Variants in EPHA6 observed in about 807,000 individuals in gnomAD.
EPHA6 encodes EPH receptor A6.
EPHA6 carries 50 observed loss-of-function variants against 112.0 expected under a neutral mutation model. That is an observed-to-expected ratio of 0.45 (90% CI 0.36 to 0.56). The LOEUF (loss-of-function observed/expected upper bound fraction) is 0.56. Ranked by LOEUF, EPHA6 falls within the 20% of genes least tolerant of loss-of-function variation. The pLI, the probability that EPHA6 is intolerant of heterozygous loss-of-function variation, is 0.00. For missense variants in EPHA6, 1,280 were observed against 1,417.4 expected, an observed-to-expected ratio of 0.90 and a Z score of 1.56; for synonymous variants, 529 against 490.7, an observed-to-expected ratio of 1.08 and a Z score of -1.03.
chr3:96,926,756 G>A (rs1215643009), intron 2 of EPHA6, among the ~76,000 whole-genome samples: 1 of 152,206 alleles, frequency 6.6e-6, no homozygotes, highest in Non-Finnish European at 1.5e-5. Context: ...GATGCAAGGG[G>A]TGGGCTCCCA....
intron 6 of EPHA6, among the ~76,000 whole-genome samples, chr3:97,418,625 T>A (rs1412069985): frequency 6.6e-6 from 1 of 152,068 alleles, no homozygotes; most frequent in African/African-American, 2.4e-5. Context: ...TATTGGTGTT[T>A]AGAGATAAAC....
At chr3:96,947,591 T>G (rs1375277419) in intron 2 of EPHA6, among the ~76,000 whole-genome samples, 1 of 152,266 alleles carries the variant, frequency 6.6e-6, no homozygotes, top group African/African-American at 2.4e-5. Context: ...ACAAGCATTC[T>G]TATACACCAA....
intron 3 of EPHA6, among the ~76,000 whole-genome samples, chr3:97,182,122 C>T (rs2077004721): frequency 6.6e-6 from 1 of 151,900 alleles, no homozygotes; most frequent in South Asian, 2.1e-4. Context: ...TATTATGTCC[C>T]ATTGGTTTTT....
intron 11 of EPHA6, among the ~76,000 whole-genome samples, chr3:97,537,424 G>A (rs2092779565): frequency 6.6e-6 from 1 of 152,134 alleles, no homozygotes; most frequent in African/African-American, 2.4e-5. Flanking sequence ...CTCTTGAGAA[G>A]CCCATTTGTT....
chr3:97,433,320 T>A (rs2089629398), intron 6 of EPHA6, among the ~76,000 whole-genome samples: 1 of 152,212 alleles, frequency 6.6e-6, no homozygotes, highest in South Asian at 2.1e-4. Flanking sequence ...TGTTATTTGA[T>A]GAAGACTCAA....
rs933665535 is a variant in EPHA6, at chr3:97,759,426, A to G, written c.*10725A>G. ...AAGAGAAATAGGATAATAGCTGGAG[A>G]AAGGAAGTCAAGGAATTGTCTTGTT... On this transcript the variant is annotated 3_prime_UTR_variant, in exon 18 of 18. Coordinates refer to ENST00000389672, the MANE Select transcript of EPHA6 (RefSeq NM_001080448.3). 1 of 227,222 alleles carries G rather than the reference A, an allele frequency of 4.4e-6. No individual in the cohort carries two copies. Among genetic ancestry groups the G allele is most frequent in the Non-Finnish European group, 8.8e-6 (1 of 114,282 alleles). 14.1% of individuals were successfully genotyped at this position (227,222 alleles called of 1,614,324 possible). A position where few individuals can be genotyped will look rare whatever the true frequency, so the allele number is the denominator to read the frequency against.
At chr3:97,274,213 G>A (rs2079989953) in intron 5 of EPHA6, among the ~76,000 whole-genome samples, 1 of 152,158 alleles carries the variant, frequency 6.6e-6, no homozygotes, top group Non-Finnish European at 1.5e-5. Context: ...TGCCTTGTGT[G>A]GGAAGAGATT....
chr3:96,853,848 A>G (rs954650284), intron 1 of EPHA6, among the ~76,000 whole-genome samples: 1 of 151,994 alleles, frequency 6.6e-6, no homozygotes, highest in African/African-American at 2.4e-5. Flanking sequence ...AAACGCATGA[A>G]GTTGATGTTA....
chr3:97,260,343 T>G (rs73848582), intron 5 of EPHA6, among the ~76,000 whole-genome samples: 34 of 152,300 alleles, frequency 2.2e-4, no homozygotes, highest in African/African-American at 7.2e-4. Context: ...AGATTCTTCA[T>G]GTCCATATCT....
chr3:96,865,219 G>T (rs1043411222), intron 1 of EPHA6, among the ~76,000 whole-genome samples: 10 of 152,206 alleles, frequency 6.6e-5, no homozygotes, highest in Admixed American at 5.9e-4. Flanking sequence ...TCTGCAATGA[G>T]TAAGTAGAGT....
chr3:96,951,899 A>G (rs2041552211), intron 2 of EPHA6, among the ~76,000 whole-genome samples: 1 of 152,156 alleles, frequency 6.6e-6, no homozygotes, highest in Non-Finnish European at 1.5e-5. Flanking sequence ...TGCAGTAGTC[A>G]TGAAAATTAG....
At chr3:96,862,955 T>C (rs562088700) in intron 1 of EPHA6, among the ~76,000 whole-genome samples, 105 of 152,084 alleles carry the variant, frequency 6.9e-4, no homozygotes, top group South Asian at 1.9e-3. Flanking sequence ...AAATATAATA[T>C]GCTGAAAATT....
At chr3:97,474,393 A>T (rs1019141185) in intron 7 of EPHA6, among the ~76,000 whole-genome samples, 1 of 151,960 alleles carries the variant, frequency 6.6e-6, no homozygotes, top group Non-Finnish European at 1.5e-5. Flanking sequence ...TTGGTTTTTT[A>T]TATTATTGAT....
intron 13 of EPHA6, among the ~76,000 whole-genome samples, chr3:97,625,892 A>G (rs1238614556): frequency 6.6e-6 from 1 of 151,676 alleles, no homozygotes; most frequent in Non-Finnish European, 1.5e-5. Flanking sequence ...AGAAGCCGCC[A>G]CATCTCCCAA....
intron 14 of EPHA6, among the ~76,000 whole-genome samples, chr3:97,706,539 G>A (rs1469109950): frequency 6.6e-6 from 1 of 152,154 alleles, no homozygotes; most frequent in Non-Finnish European, 1.5e-5. Context: ...ACAATCATCA[G>A]TTTTTCTTAG....
At chr3:97,344,334 T>G (rs2108870415) in intron 5 of EPHA6, among the ~76,000 whole-genome samples, 1 of 152,210 alleles carries the variant, frequency 6.6e-6, no homozygotes, top group Non-Finnish European at 1.5e-5. Context: ...TAAATAATAA[T>G]AATAGTAAAA....
chr3:97,624,844 C>T (rs1464567136), intron 13 of EPHA6, among the ~76,000 whole-genome samples: 1 of 151,462 alleles, frequency 6.6e-6, no homozygotes, highest in Non-Finnish European at 1.5e-5. Context: ...CACATACAAT[C>T]ATTTATAGTA....
chr3:96,899,660 T>C (rs1006453963), intron 2 of EPHA6, among the ~76,000 whole-genome samples: 15 of 152,156 alleles, frequency 9.9e-5, no homozygotes, highest in African/African-American at 3.6e-4. Flanking sequence ...ATAGCACTAG[T>C]AAAAAATATG....
chr3:97,619,274 A>G (rs1352267501), intron 13 of EPHA6, among the ~76,000 whole-genome samples: 1 of 152,088 alleles, frequency 6.6e-6, no homozygotes, highest in Non-Finnish European at 1.5e-5. Flanking sequence ...CAAAATAACA[A>G]GAGCCATTTA....
Sources: gnomAD v4.1 joint callset for allele counts (sites outside exome capture counted in the v4.1 genomes callset) on GRCh38, gnomAD v4.1.1 for gene constraint, MANE v1.5 for transcripts, NCBI Gene and HGNC (gene_info 2026-07-23, HGNC 2026-07-21) for gene names.